DNAJC15: variants seen among roughly 807,000 people sequenced by gnomAD.
DNAJC15 encodes the protein DnaJ heat shock protein family (Hsp40) member C15.
In DNAJC15, 27 loss-of-function variants were observed where a neutral mutation model predicts 22.4. That is an observed-to-expected ratio of 1.20 (90% CI 0.89 to 1.66). The LOEUF (loss-of-function observed/expected upper bound fraction) is 1.66, where lower values mean the gene tolerates loss of function less well. Ranked by LOEUF, DNAJC15 falls within the 40% of genes most tolerant of loss-of-function variation. The pLI is 0.00. For synonymous variants in DNAJC15, 79 were observed against 63.2 expected, an observed-to-expected ratio of 1.25 and a Z score of -1.19; for missense variants, 208 against 187.1, an observed-to-expected ratio of 1.11 and a Z score of -0.65.
Position 43,088,853 on chromosome 13 carries a change from TTGATA to T in DNAJC15, c.382+3016_382+3020del, listed in dbSNP as rs1162520248. Among the ~76,000 whole-genome samples the T allele has an allele frequency of 2.4e-4, 37 of 151,468 alleles. 1 individual carries two copies. In the East Asian group the frequency reaches 7.0e-3, roughly 29 times the overall value. On this transcript the variant is annotated intron_variant, in intron 5 of 5. Transcript: ENST00000379221. The stretch of plus-strand genomic sequence containing the variant: ...TAATTAACTTGGTTTTTTTTTTTTT[TTGATA>T]GATTTACTGGACTGTTTGTTTTGGA...
At position 43,110,665 on chromosome 13, in the gene DNAJC15, G is replaced by T. The variant is rs773774298; in HGVS notation, c.*3417G>T. The T allele has an allele frequency of 3.0e-4, 45 of 152,156 alleles. No homozygotes were observed. Among genetic ancestry groups the T allele is most frequent in the African/African-American group, 1.1e-3 (45 of 41,434 alleles). 9.4% of individuals were successfully genotyped at this position (152,156 alleles called of 1,614,324 possible). Reference sequence around the variant, plus strand: ...TACCTACATAGTAGAAGGTTAAAATGTATCCCTCTTTTTCTGGTGCATCCA... The same window carrying T: ...TACCTACATAGTAGAAGGTTAAAATTTATCCCTCTTTTTCTGGTGCATCCA... On this transcript the variant is annotated 3_prime_UTR_variant, in exon 6 of 6. Coordinates refer to ENST00000379221, the MANE Select transcript of DNAJC15 (RefSeq NM_013238.3).
chr13:43,068,596 T>C (rs767902720), intron 2 of DNAJC15, among the ~76,000 whole-genome samples: 32 of 152,078 alleles, frequency 2.1e-4, no homozygotes, highest in Non-Finnish European at 3.4e-4. Flanking sequence ...CTTTACAGTT[T>C]GTTGTATAAA....
intron 3 of DNAJC15, among the ~76,000 whole-genome samples, chr13:43,073,608 C>T (rs1185347100): frequency 6.6e-6 from 1 of 152,088 alleles, no homozygotes; most frequent in Admixed American, 6.5e-5. Flanking sequence ...ATTTAGTGTT[C>T]TTGTTTTCCT....
At chr13:43,067,326 T>TCAGAATCTC (rs2040588857) in intron 2 of DNAJC15, among the ~76,000 whole-genome samples, 1 of 152,212 alleles carries the variant, frequency 6.6e-6, no homozygotes, top group Non-Finnish European at 1.5e-5. Context: ...TCTTGATGTT[T>TCAGAATCTC]TTGTCATCAA....
chr13:43,107,990 A>T lies in DNAJC15; in HGVS notation c.*742A>T, dbSNP rs1297947678. ...TACAAATATTTATTGACCCCTTTTG[A>T]TGTGCAAGGCACTATCGTGCGTCCC... On this transcript the variant is annotated 3_prime_UTR_variant, in exon 6 of 6. Transcript: ENST00000379221. The T allele has an allele frequency of 1.3e-5, 2 of 152,622 alleles. No individual in the cohort carries two copies. Among genetic ancestry groups the T allele is most frequent in the Non-Finnish European group, 2.9e-5 (2 of 68,024 alleles). The allele number at this position is 152,622 out of a possible 1,614,324, so 9.5% of individuals were successfully genotyped here.
At chr13:43,039,091 G>T (rs2040441762) in intron 1 of DNAJC15, among the ~76,000 whole-genome samples, 1 of 152,178 alleles carries the variant, frequency 6.6e-6, no homozygotes, top group Non-Finnish European at 1.5e-5. Flanking sequence ...TAATGTGAGA[G>T]TGACTTCAGA....
At chr13:43,044,995 T>C (rs2040469717) in intron 1 of DNAJC15, among the ~76,000 whole-genome samples, 1 of 152,154 alleles carries the variant, frequency 6.6e-6, no homozygotes, top group South Asian at 2.1e-4. Flanking sequence ...AGGCCTCTGC[T>C]CAAAACAATG....
At chr13:43,093,904 A>G (rs2040727301) in intron 5 of DNAJC15, among the ~76,000 whole-genome samples, 1 of 152,224 alleles carries the variant, frequency 6.6e-6, no homozygotes, top group Non-Finnish European at 1.5e-5. Flanking sequence ...GGCTTAACAG[A>G]AAATACCCTG....
chr13:43,041,686 GT>G (rs1163315113), intron 1 of DNAJC15, among the ~76,000 whole-genome samples: 1 of 152,172 alleles, frequency 6.6e-6, no homozygotes, highest in Non-Finnish European at 1.5e-5. Flanking sequence ...CTATGCTTCA[GT>G]TTTAGTTCTA....
chr13:43,042,271 A>G (rs2040457887), intron 1 of DNAJC15, among the ~76,000 whole-genome samples: 1 of 152,226 alleles, frequency 6.6e-6, no homozygotes, highest in Non-Finnish European at 1.5e-5. Context: ...CAATGGAACA[A>G]TAATAACTAT....
intron 1 of DNAJC15, among the ~76,000 whole-genome samples, chr13:43,037,164 A>G (rs2040433015): frequency 6.6e-6 from 1 of 152,278 alleles, no homozygotes; most frequent in Non-Finnish European, 1.5e-5. Flanking sequence ...GGGCCGTAGC[A>G]GCCACTGCCT....
chr13:43,039,937 T>G (rs978374692), intron 1 of DNAJC15, among the ~76,000 whole-genome samples: 1 of 152,152 alleles, frequency 6.6e-6, no homozygotes, highest in Non-Finnish European at 1.5e-5. Context: ...GAGAATTGGT[T>G]GTACACGGGA....
Position 43,093,287 on chromosome 13 carries a change from G to GT in DNAJC15, c.382+7450dup, listed in dbSNP as rs374922540. Among the ~76,000 whole-genome samples the GT allele has an allele frequency of 3.5e-3, 526 of 152,078 alleles. 1 individual carries two copies. Among genetic ancestry groups the GT allele is most frequent in the Middle Eastern group, 0.01 (3 of 294 alleles). ...AATTTTTTTGAATGCCATACATTTTGTATGAAAGCAACAGTTTTCAAACTT... is the reference window on the plus strand; with the variant it reads ...AATTTTTTTGAATGCCATACATTTTGTTATGAAAGCAACAGTTTTCAAACTT... On this transcript the variant is annotated intron_variant, in intron 5 of 5. Transcript: ENST00000379221.
chr13:43,079,464 G>C (rs1032101254), intron 4 of DNAJC15, among the ~76,000 whole-genome samples: 1 of 152,060 alleles, frequency 6.6e-6, no homozygotes, highest in Non-Finnish European at 1.5e-5. Flanking sequence ...AAAAACAAGA[G>C]TTGGGAGGAG....
intron 5 of DNAJC15, among the ~76,000 whole-genome samples, chr13:43,096,909 A>G (rs1593331024): frequency 6.6e-6 from 1 of 152,220 alleles, no homozygotes; most frequent in East Asian, 1.9e-4. Context: ...GACGGAAGAA[A>G]CACCAAGTAG....
intron 1 of DNAJC15, among the ~76,000 whole-genome samples, chr13:43,029,192 C>A (rs1205186632): frequency 2.0e-5 from 3 of 152,220 alleles, no homozygotes; most frequent in Non-Finnish European, 4.4e-5. Context: ...GCTTTTTCCC[C>A]AGAACTTAGC....
chr13:43,030,431 G>T (rs1265609611), intron 1 of DNAJC15, among the ~76,000 whole-genome samples: 1 of 152,124 alleles, frequency 6.6e-6, no homozygotes, highest in Non-Finnish European at 1.5e-5. Flanking sequence ...TGCACATCTA[G>T]CTGCAACTAC....
In DNAJC15 at chr13:43,026,473, G is replaced by A. The variant is rs141726808; in HGVS notation, c.108+2739G>A. On this transcript the variant is annotated intron_variant, in intron 1 of 5. Coordinates refer to ENST00000379221, the MANE Select transcript of DNAJC15 (RefSeq NM_013238.3). ...CGTACTTTCAGAATGTCCCTAAGGG[G>A]TTGTTCTGCTTCTTTTGGGAGTTGT... Among the ~76,000 whole-genome samples, 18 of 152,270 alleles carry A rather than the reference G, an allele frequency of 1.2e-4. No individual in the cohort carries two copies. The East Asian group carries it at 3.5e-3, about 29-fold the overall frequency.
chr13:43,070,774 A>G (rs180740078), intron 3 of DNAJC15, among the ~76,000 whole-genome samples: 1 of 152,324 alleles, frequency 6.6e-6, no homozygotes, highest in East Asian at 1.9e-4. Flanking sequence ...AATGAAAAAA[A>G]ACTTCAAATT....
Sources: gnomAD v4.1 joint callset for allele counts (sites outside exome capture counted in the v4.1 genomes callset) on GRCh38, gnomAD v4.1.1 for gene constraint, MANE v1.5 for transcripts, NCBI Gene and HGNC (gene_info 2026-07-23, HGNC 2026-07-21) for gene names.